The following SLAMF1 variants were observed in gnomAD, a reference collection of about 807,000 sequenced individuals.
SLAMF1 encodes signaling lymphocytic activation molecule.
In SLAMF1, 18 loss-of-function variants were observed where a neutral mutation model predicts 35.1. That is an observed-to-expected ratio of 0.51 (90% CI 0.35 to 0.76). The LOEUF (loss-of-function observed/expected upper bound fraction) is 0.76. SLAMF1 is among the 30% of genes least tolerant of loss of function. SLAMF1 has a pLI of 0.01. For missense variants in SLAMF1, 392 were observed against 413.0 expected (o/e 0.95, Z 0.44); for synonymous variants, 168 against 157.2 (o/e 1.07, Z -0.51).
intron 1 of SLAMF1, among the ~76,000 whole-genome samples, chr1:160,640,279 A>G (rs1434323688): frequency 6.9e-6 from 1 of 145,284 alleles, no homozygotes; most frequent in South Asian, 2.2e-4. Context: ...AATGCTGAAA[A>G]CCATAATACC....
Position 160,624,093 on chromosome 1 carries a change from T to C in SLAMF1, c.790+3A>G. The stretch of plus-strand genomic sequence containing the variant: ...AAGAATCTATTTATTGCCAGACACC[T>C]ACCTCTTCTTCTCAACTGTAGTATT... On this transcript the variant is annotated splice_donor_region_variant and intron_variant, in intron 4 of 6. Transcript: ENST00000302035. The C allele has an allele frequency of 6.3e-7, 1 of 1,586,480 alleles. No homozygotes were observed.
chr1:160,642,622 T>G lies in SLAMF1; in HGVS notation c.76+4248A>C, dbSNP rs940334152. ...AGTGAATTAATAAAACAGAATGGGA[T>G]GAATGAAAAATGAGCAAATGACAAC... On this transcript the variant is annotated intron_variant, in intron 1 of 6. Transcript: ENST00000302035. This position sits in a 1 kb window ranked among gnomAD's most constrained non-coding sequence, Gnocchi z 4.2. 5.3e-5 allele frequency among the ~76,000 whole-genome samples: 8 copies of G among 152,172 alleles called. No homozygotes were observed. The highest frequency in any genetic ancestry group is 1.9e-4 in the African/African-American group (8 of 41,430).
intron 1 of SLAMF1, among the ~76,000 whole-genome samples, chr1:160,641,517 G>A (rs1346897094): frequency 6.6e-6 from 1 of 151,862 alleles, no homozygotes; most frequent in Non-Finnish European, 1.5e-5. Flanking sequence ...AGGAGAAAGA[G>A]GAAGAGGAAA....
chr1:160,636,688 A>C (rs759305160), intron 2 of SLAMF1, among the ~76,000 whole-genome samples: 2 of 152,216 alleles, frequency 1.3e-5, no homozygotes, highest in Non-Finnish European at 2.9e-5. Flanking sequence ...TGCAGGGCTT[A>C]ACAAGTGGTG....
Position 160,643,042 on chromosome 1 carries a change from GC to G in SLAMF1, c.76+3827del, listed in dbSNP as rs201467712. 3.6e-3 allele frequency among the ~76,000 whole-genome samples: 76 copies of G among 21,258 alleles called. No homozygotes were observed. The South Asian group carries it at 0.27, about 75-fold the overall frequency. The allele number at this position is 21,258 out of a possible 152,430, so 13.9% of individuals were successfully genotyped here. A position where few individuals can be genotyped will look rare whatever the true frequency, so the allele number is the denominator to read the frequency against. On this transcript the variant is annotated intron_variant, in intron 1 of 6. Coordinates refer to ENST00000302035, the MANE Select transcript of SLAMF1 (RefSeq NM_003037.5). ...CTCACAGTAAATAGTAAATGCTTTGGCCCCCCACTTCCCCCTAGGATGATGT... is the reference window on the plus strand; with the variant it reads ...CTCACAGTAAATAGTAAATGCTTTGGCCCCCACTTCCCCCTAGGATGATGT...
At chr1:160,645,585 C>T (rs1024026026) in intron 1 of SLAMF1, among the ~76,000 whole-genome samples, 3 of 152,186 alleles carry the variant, frequency 2.0e-5, no homozygotes, top group African/African-American at 7.2e-5. Flanking sequence ...CTCCATCACA[C>T]CTTACAGTCA....
rs1279421748 is a variant in SLAMF1, at chr1:160,610,697, AT to A, written c.*50del. The A allele has an allele frequency of 1.1e-5, 15 of 1,417,932 alleles. No homozygotes were observed. Among genetic ancestry groups the A allele is most frequent in the African/African-American group, 4.2e-5 (3 of 71,088 alleles). The allele number at this position is 1,417,932 out of a possible 1,614,324, so 87.8% of individuals were successfully genotyped here. A position where few individuals can be genotyped will look rare whatever the true frequency, so the allele number is the denominator to read the frequency against. On this transcript the variant is annotated 3_prime_UTR_variant, in exon 7 of 7. Transcript: ENST00000302035. ...GGGCCTGTGGCCAAGTTCAGTGTTC[AT>A]TTTGGTTTTTCCATTTTCCTTCAGA...
chr1:160,619,356 C>T (rs1659485993), intron 5 of SLAMF1, among the ~76,000 whole-genome samples: 1 of 152,190 alleles, frequency 6.6e-6, no homozygotes, highest in South Asian at 2.1e-4. Context: ...ATCCTACCTT[C>T]CTTGTCACTT....
At chr1:160,617,715 C>A (rs1381325022) in intron 5 of SLAMF1, among the ~76,000 whole-genome samples, 1 of 152,098 alleles carries the variant, frequency 6.6e-6, no homozygotes, top group Non-Finnish European at 1.5e-5. Flanking sequence ...GCACAGGAGG[C>A]CTTCAGGAAG....
At chr1:160,615,444 T>C (rs961980835) in intron 5 of SLAMF1, among the ~76,000 whole-genome samples, 1 of 152,038 alleles carries the variant, frequency 6.6e-6, no homozygotes, top group Non-Finnish European at 1.5e-5. Flanking sequence ...TTCACTAATA[T>C]GTAGAGGAGA....
Position 160,609,726 on chromosome 1 carries a change from CTTA to C in SLAMF1, c.*1019_*1021del, listed in dbSNP as rs1485725041. 1 of 152,164 alleles carries C rather than the reference CTTA, an allele frequency of 6.6e-6. No individual in the cohort carries two copies. Among genetic ancestry groups the C allele is most frequent in the Non-Finnish European group, 1.5e-5 (1 of 68,018 alleles). 9.4% of individuals were successfully genotyped at this position (152,164 alleles called of 1,614,324 possible). ...ATTTGAAGCTGTTAGACCAAAATAA[CTTA>C]ATTTTCTACTAGAGGATAAATTTAG... is the stretch of plus-strand genomic sequence containing the variant. On this transcript the variant is annotated 3_prime_UTR_variant, in exon 7 of 7. Transcript: ENST00000302035.
intron 1 of SLAMF1, among the ~76,000 whole-genome samples, chr1:160,637,985 G>C (rs1655019957): frequency 6.6e-6 from 1 of 152,164 alleles, no homozygotes; most frequent in Non-Finnish European, 1.5e-5. Flanking sequence ...AAGCATTTCA[G>C]ATCATGAGGA....
intron 5 of SLAMF1, among the ~76,000 whole-genome samples, chr1:160,613,987 C>T (rs2102263268): frequency 6.6e-6 from 1 of 152,274 alleles, no homozygotes; most frequent in Admixed American, 6.5e-5. Context: ...ACTTGGGGAT[C>T]TTGTTAAAGG....
intron 3 of SLAMF1, among the ~76,000 whole-genome samples, chr1:160,633,545 A>G (rs1294764432): frequency 6.6e-6 from 1 of 152,218 alleles, no homozygotes; most frequent in Admixed American, 6.5e-5. Flanking sequence ...CTGTAGGCAG[A>G]AGACCCATTG....
intron 6 of SLAMF1, among the ~76,000 whole-genome samples, chr1:160,611,778 C>G (rs991427848): frequency 2.0e-5 from 3 of 152,198 alleles, no homozygotes; most frequent in African/African-American, 7.2e-5. Context: ...ATCTCCACCC[C>G]TAAATATTCT....
At position 160,609,382 on chromosome 1, in the gene SLAMF1, T is replaced by A. The variant is rs1275393971; in HGVS notation, c.*1366A>T. 1 of 152,168 alleles carries A rather than the reference T, an allele frequency of 6.6e-6. No individual in the cohort carries two copies. Among genetic ancestry groups the A allele is most frequent in the African/African-American group, 2.4e-5 (1 of 41,428 alleles). 9.4% of individuals were successfully genotyped at this position (152,168 alleles called of 1,614,324 possible). A position where few individuals can be genotyped will look rare whatever the true frequency, so the allele number is the denominator to read the frequency against. Reference sequence around the variant, plus strand: ...TGTTGATTGCAACTAAGAACTCTATTAAAGAAGCTGGTACCAGGAAACGAG... The same window carrying A: ...TGTTGATTGCAACTAAGAACTCTATAAAAGAAGCTGGTACCAGGAAACGAG... On this transcript the variant is annotated 3_prime_UTR_variant, in exon 7 of 7. Coordinates refer to ENST00000302035, the MANE Select transcript of SLAMF1 (RefSeq NM_003037.5).
intron 1 of SLAMF1, among the ~76,000 whole-genome samples, chr1:160,640,829 C>T (rs1461329899): frequency 2.0e-5 from 3 of 152,098 alleles, no homozygotes; most frequent in South Asian, 2.1e-4. Flanking sequence ...TAAAATATTG[C>T]GAATATATTA....
At chr1:160,634,391 C>A (rs921018047) in intron 3 of SLAMF1, 29 of 984,684 alleles carry the variant, frequency 2.9e-5, no homozygotes, top group African/African-American at 1.4e-4. Context: ...GTCTCTATCA[C>A]CTCCTGTTGG....
chr1:160,626,119 C>A (rs372918931), intron 3 of SLAMF1, among the ~76,000 whole-genome samples: 9 of 152,248 alleles, frequency 5.9e-5, no homozygotes, highest in African/African-American at 1.9e-4. Context: ...ACACCCCCAC[C>A]ATTTATATCA....
Sources: gnomAD v4.1 joint callset for allele counts (sites outside exome capture counted in the v4.1 genomes callset) on GRCh38, gnomAD v4.1.1 for gene constraint, Gnocchi (gnomAD v3.1) non-coding constraint, MANE v1.5 for transcripts, NCBI Gene and HGNC (gene_info 2026-07-23, HGNC 2026-07-21) for gene names.